Variants in CALD1 observed in about 807,000 individuals in gnomAD.
CALD1 encodes caldesmon.
A neutral mutation model predicts 99.9 loss-of-function variants in CALD1; 33 were observed. That is an observed-to-expected ratio of 0.33 (90% CI 0.25 to 0.44). CALD1 has a LOEUF of 0.44. Among genes scored for constraint, CALD1 ranks in the 20% least tolerant of loss-of-function variants. The pLI, the probability that CALD1 is intolerant of heterozygous loss-of-function variation, is 1.00. For missense variants in CALD1, 861 were observed against 962.1 expected (o/e 0.89, Z 1.39); for synonymous variants, 310 against 325.0 (o/e 0.95, Z 0.50).
chr7:134,872,357 CAAAAAAAAAAAAAA>C (rs35569742), intron 3 of CALD1, among the ~76,000 whole-genome samples: 44,494 of 101,778 alleles, frequency 0.44, 7,701 homozygotes, highest in African/African-American at 0.57. Flanking sequence ...GACTCGGTCT[CAAAAAAAAAAAAAA>C]AAAAAAAAAA....
the CALD1 span, among the ~76,000 whole-genome samples, chr7:134,732,907 C>T: frequency 6.6e-5 from 10 of 152,254 alleles, no homozygotes; most frequent in South Asian, 2.1e-4. Context: ...CCTGGATGTG[C>T]GCTCTGGCTG....
At chr7:134,848,101 A>C (rs1168066676) in intron 2 of CALD1, among the ~76,000 whole-genome samples, 1 of 152,032 alleles carries the variant, frequency 6.6e-6, no homozygotes, top group Non-Finnish European at 1.5e-5. Context: ...TCTGGGGAAA[A>C]AAAAAAAGCC....
intron 1 of CALD1, among the ~76,000 whole-genome samples, chr7:134,787,858 G>A (rs950808109): frequency 3.9e-5 from 6 of 152,138 alleles, no homozygotes; most frequent in African/African-American, 9.7e-5. Context: ...TGTCAAAATT[G>A]TTACTATATT....
chr7:134,956,950 A>G (rs563909324), intron 9 of CALD1, among the ~76,000 whole-genome samples: 9 of 152,276 alleles, frequency 5.9e-5, no homozygotes, highest in African/African-American at 2.2e-4. Flanking sequence ...AGTAAAATAT[A>G]ATGTTTGATT....
chr7:134,728,139 T>C, the CALD1 span, among the ~76,000 whole-genome samples: 1 of 141,782 alleles, frequency 7.1e-6, no homozygotes, highest in Non-Finnish European at 1.5e-5. Context: ...TGTGCTATAA[T>C]ACTCAATGTA....
intron 3 of CALD1, chr7:134,928,008 G>GT (rs11438725): frequency 1 from 204,643 of 204,652 alleles, 102,317 homozygotes; most frequent in Middle Eastern, 1. Flanking sequence ...CAAAGTCCCG[G>GT]TTGGTAGTGT....
upstream of CALD1, among the ~76,000 whole-genome samples, chr7:134,740,058 A>G (rs753843576): frequency 2.6e-5 from 4 of 152,168 alleles, no homozygotes; most frequent in Non-Finnish European, 4.4e-5. Context: ...GTGTAACTTC[A>G]TATCAGCAAG....
chr7:134,888,580 A>C (rs185350831), intron 3 of CALD1, among the ~76,000 whole-genome samples: 238 of 152,262 alleles, frequency 1.6e-3, no homozygotes, highest in Admixed American at 3.3e-3. Flanking sequence ...CTCATGATTC[A>C]CTTGTTATCT....
chr7:134,831,689 A>G (rs968490188), intron 1 of CALD1, among the ~76,000 whole-genome samples: 10 of 152,226 alleles, frequency 6.6e-5, no homozygotes, highest in African/African-American at 2.4e-4. Flanking sequence ...ATGTATATCT[A>G]TATAGCACTC....
chr7:134,790,752 G>C (rs1797496240), intron 1 of CALD1, among the ~76,000 whole-genome samples: 1 of 152,210 alleles, frequency 6.6e-6, no homozygotes, highest in Non-Finnish European at 1.5e-5. Context: ...CCTGGTACCA[G>C]AGATAGTTTA....
At chr7:134,882,364 A>G (rs1205324635) in intron 3 of CALD1, among the ~76,000 whole-genome samples, 1 of 152,246 alleles carries the variant, frequency 6.6e-6, no homozygotes, top group Non-Finnish European at 1.5e-5. Context: ...ATTATTAAGG[A>G]TAATTGGACC....
At chr7:134,945,507 T>G (rs1267147746) in intron 7 of CALD1, among the ~76,000 whole-genome samples, 1 of 152,246 alleles carries the variant, frequency 6.6e-6, no homozygotes, top group East Asian at 1.9e-4. Context: ...ATGGCTCGAC[T>G]GCTTTCTAGC....
chr7:134,815,625 G>A lies in CALD1; in HGVS notation c.-129-28259G>A, dbSNP rs541968599. Among the ~76,000 whole-genome samples, 5 of 152,224 alleles carry A rather than the reference G, an allele frequency of 3.3e-5. 1 individual carries two copies. In the South Asian group the frequency reaches 1.0e-3, roughly 32 times the overall value. On this transcript the variant is annotated intron_variant, in intron 1 of 14. Coordinates refer to ENST00000361675, the MANE Select transcript of CALD1 (RefSeq NM_033138.4). Reference sequence around the variant, plus strand: ...ACCATTTCTCATGTTTTTTAAGGTTGAAGGAATGTTTAGCTGAGCCTATGA... The same window carrying A: ...ACCATTTCTCATGTTTTTTAAGGTTAAAGGAATGTTTAGCTGAGCCTATGA...
At chr7:134,903,119 T>A (rs140811164) in intron 3 of CALD1, among the ~76,000 whole-genome samples, 134 of 152,176 alleles carry the variant, frequency 8.8e-4, no homozygotes, top group Non-Finnish European at 1.8e-3. Context: ...TAGGCAACAC[T>A]ATGGAGACAG....
intron 1 of CALD1, among the ~76,000 whole-genome samples, chr7:134,794,426 G>C (rs1760226089): frequency 6.6e-6 from 1 of 152,180 alleles, no homozygotes; most frequent in African/African-American, 2.4e-5. Flanking sequence ...CAGTAATCTG[G>C]ATCATCTTAT....
chr7:134,753,309 T>A (rs1433710915), intron 1 of CALD1, among the ~76,000 whole-genome samples: 1 of 151,832 alleles, frequency 6.6e-6, no homozygotes. Flanking sequence ...AGAAAAAAAA[T>A]AGGTGTATCA....
intron 1 of CALD1, among the ~76,000 whole-genome samples, chr7:134,806,118 G>T (rs1199150058): frequency 6.6e-6 from 1 of 152,224 alleles, no homozygotes; most frequent in Non-Finnish European, 1.5e-5. Context: ...TCAACATTCT[G>T]AGAAGTCTTA....
intron 2 of CALD1, among the ~76,000 whole-genome samples, chr7:134,863,396 A>G (rs927175752): frequency 6.6e-6 from 1 of 152,254 alleles, no homozygotes; most frequent in Non-Finnish European, 1.5e-5. Context: ...TCCAAGATCA[A>G]TACTGGCACT....
upstream of CALD1, among the ~76,000 whole-genome samples, chr7:134,777,862 A>G (rs1796943771): frequency 6.6e-6 from 1 of 152,216 alleles, no homozygotes; most frequent in Non-Finnish European, 1.5e-5. Flanking sequence ...CAGATATGGG[A>G]TGTCCCCATC....
Sources: gnomAD v4.1 joint callset for allele counts (sites outside exome capture counted in the v4.1 genomes callset) on GRCh38, gnomAD v4.1.1 for gene constraint, MANE v1.5 for transcripts, NCBI Gene and HGNC (gene_info 2026-07-23, HGNC 2026-07-21) for gene names.